Variants in ANKS1B observed in about 807,000 individuals in gnomAD.
ANKS1B encodes the protein ankyrin repeat and sterile alpha motif domain containing 1B.
ANKS1B carries 36 observed loss-of-function variants against 148.3 expected under a neutral mutation model. The observed-to-expected ratio is 0.24, with a 90% confidence interval of 0.19 to 0.32. The LOEUF is 0.32. ANKS1B is among the 10% of genes least tolerant of loss of function. ANKS1B has a pLI of 1.00. For missense variants in ANKS1B, 1,157 were observed against 1,542.6 expected (o/e 0.75, Z 4.19); for synonymous variants, 542 against 560.8 (o/e 0.97, Z 0.47).
At chr12:99,182,304 A>G (rs568603085) in intron 14 of ANKS1B, among the ~76,000 whole-genome samples, 1 of 152,294 alleles carries the variant, frequency 6.6e-6, no homozygotes, top group South Asian at 2.1e-4. Context: ...ACAATTTGAC[A>G]TGAGATTTGG....
chr12:98,894,883 C>A (rs923170182), intron 17 of ANKS1B: 3 of 975,690 alleles, frequency 3.1e-6, no homozygotes, highest in Non-Finnish European at 3.6e-6. Context: ...CGGGCCCGCG[C>A]GCGCGCCCCC....
Position 99,155,150 on chromosome 12 carries a change from C to G in ANKS1B, c.2420-755G>C. On this transcript the variant is annotated intron_variant, in intron 14 of 26. Transcript: ENST00000683438. ...GACACCAGGAAATGCGAAGCTTGAA[C>G]TATAGCTTATAACAGAGCTCACGAC... The G allele has an allele frequency of 2.0e-6, 3 of 1,471,652 alleles. No homozygotes were observed. The South Asian group carries it at 4.2e-5, about 21-fold the overall frequency. The allele number at this position is 1,471,652 out of a possible 1,614,324, so 91.2% of individuals were successfully genotyped here.
At chr12:98,770,615 TG>T (rs1234290909) in intron 25 of ANKS1B, among the ~76,000 whole-genome samples, 18 of 150,688 alleles carry the variant, frequency 1.2e-4, no homozygotes, top group Non-Finnish European at 1.9e-4. Flanking sequence ...TGGAAGGGTT[TG>T]TTTTTTTTTT....
intron 9 of ANKS1B, among the ~76,000 whole-genome samples, chr12:99,532,431 G>A (rs1011726113): frequency 2.0e-5 from 3 of 152,140 alleles, no homozygotes; most frequent in African/African-American, 4.8e-5. Flanking sequence ...CCCGATCTCG[G>A]CTCCCTGCAA....
chr12:99,881,161 A>T (rs1381308034), intron 1 of ANKS1B, among the ~76,000 whole-genome samples: 1 of 152,224 alleles, frequency 6.6e-6, no homozygotes, highest in Admixed American at 6.5e-5. Context: ...ATACAAACAG[A>T]GAGATTTCCA....
At position 99,429,779 on chromosome 12, in the gene ANKS1B, C is replaced by T. The variant is rs892232609; in HGVS notation, c.1575+13894G>A. On this transcript the variant is annotated intron_variant, in intron 11 of 26. Coordinates refer to ENST00000683438, the MANE Select transcript of ANKS1B (RefSeq NM_001352186.2). ...GAGATTGAGACCATCCTGGCTAACA[C>T]GGTGAAACCCTGTCTCTACTAAAAA... is the stretch of plus-strand genomic sequence containing the variant. Among the ~76,000 whole-genome samples, 33 of 151,812 alleles carry T rather than the reference C, an allele frequency of 2.2e-4. 1 individual carries two copies. The highest frequency in any genetic ancestry group is 4.4e-4 in the African/African-American group (18 of 41,360).
intron 1 of ANKS1B, among the ~76,000 whole-genome samples, chr12:99,835,153 T>C (rs1603244075): frequency 6.6e-6 from 1 of 150,814 alleles, no homozygotes; most frequent in East Asian, 2.0e-4. Context: ...GGCTCACACC[T>C]GTAATCGCAG....
chr12:99,930,390 G>T (rs1428959865), intron 1 of ANKS1B, among the ~76,000 whole-genome samples: 2 of 152,176 alleles, frequency 1.3e-5, no homozygotes, highest in Admixed American at 6.5e-5. Context: ...AGCTTGAGGA[G>T]ATTTTGGGCT....
At chr12:98,841,683 T>C (rs2099406912) in intron 17 of ANKS1B, among the ~76,000 whole-genome samples, 1 of 151,940 alleles carries the variant, frequency 6.6e-6, no homozygotes. Flanking sequence ...GCAAAAAGGA[T>C]GTTAAGGTTA....
At chr12:99,643,997 C>T (rs542549672) in intron 9 of ANKS1B, among the ~76,000 whole-genome samples, 16 of 152,274 alleles carry the variant, frequency 1.1e-4, no homozygotes, top group African/African-American at 3.6e-4. Flanking sequence ...AATGTTCCAA[C>T]CATCAAGTCC....
At chr12:99,516,880 T>C (rs1286796075) in intron 9 of ANKS1B, among the ~76,000 whole-genome samples, 1 of 152,200 alleles carries the variant, frequency 6.6e-6, no homozygotes, top group Non-Finnish European at 1.5e-5. Context: ...AATATGCCTG[T>C]TCTTATGCAG....
At chr12:98,984,534 T>C (rs565645592) in intron 17 of ANKS1B, among the ~76,000 whole-genome samples, 33 of 152,332 alleles carry the variant, frequency 2.2e-4, no homozygotes, top group African/African-American at 7.9e-4. Flanking sequence ...TATATTAAAG[T>C]TCATTGTTTA....
chr12:99,151,915 T>C (rs2075036224), intron 15 of ANKS1B, among the ~76,000 whole-genome samples: 1 of 152,184 alleles, frequency 6.6e-6, no homozygotes, highest in Admixed American at 6.5e-5. Flanking sequence ...AGACATGCAC[T>C]ACATCATAGT....
At chr12:99,144,187 G>A (rs1484118570) in intron 15 of ANKS1B, among the ~76,000 whole-genome samples, 1 of 151,822 alleles carries the variant, frequency 6.6e-6, no homozygotes, top group Non-Finnish European at 1.5e-5. Context: ...TCCTTGGAGT[G>A]CTTCTATCAG....
Position 99,984,266 on chromosome 12 carries a change from C to A in ANKS1B, c.-29G>T. On this transcript the variant is annotated 5_prime_UTR_variant, in exon 1 of 27. In the 5' UTR this introduces an upstream ATG that the reference lacks. Coordinates refer to ENST00000683438, the MANE Select transcript of ANKS1B (RefSeq NM_001352186.2). ...CTCTCACCGACTCCCCCACAGAGTC[C>A]TTGCCCCCCTCGGGTCCTCCTCCCC... 1 of 1,598,816 alleles carries A rather than the reference C, an allele frequency of 6.3e-7. No individual in the cohort carries two copies.
At chr12:99,013,282 C>T (rs7956263) in intron 17 of ANKS1B, among the ~76,000 whole-genome samples, 46,277 of 151,846 alleles carry the variant, frequency 0.3, 8,050 homozygotes, top group African/African-American at 0.48. Flanking sequence ...GTTTATCACA[C>T]TTATTAAGCA....
At chr12:98,889,134 C>T (rs2099746644) in intron 17 of ANKS1B, among the ~76,000 whole-genome samples, 1 of 152,198 alleles carries the variant, frequency 6.6e-6, no homozygotes, top group Non-Finnish European at 1.5e-5. Flanking sequence ...TCAAGCCTAG[C>T]TCACAAAGTC....
intron 17 of ANKS1B, among the ~76,000 whole-genome samples, chr12:98,946,939 C>CAAAAA (rs57197334): frequency 2.4e-5 from 1 of 41,556 alleles, no homozygotes; most frequent in African/African-American, 9.1e-5. Flanking sequence ...GATCTTTTCT[C>CAAAAA]AAAAAAAAAA....
At chr12:99,609,743 C>G (rs1197122255) in intron 9 of ANKS1B, among the ~76,000 whole-genome samples, 1 of 152,046 alleles carries the variant, frequency 6.6e-6, no homozygotes, top group Non-Finnish European at 1.5e-5. Flanking sequence ...AGACAACTGT[C>G]CCTGAGAGGG....
Sources: allele counts gnomAD v4.1 joint callset (sites outside exome capture counted in the v4.1 genomes callset), GRCh38; gene constraint gnomAD v4.1.1; transcripts MANE v1.5; gene names NCBI Gene and HGNC (gene_info 2026-07-23, HGNC 2026-07-21).